The following MSRB3 variants were observed in gnomAD, a reference collection of about 807,000 sequenced individuals.
MSRB3 encodes methionine sulfoxide reductase B3.
In MSRB3, 13 loss-of-function variants were observed where a neutral mutation model predicts 21.0. The ratio of observed to expected loss-of-function variants is 0.62; its 90% CI spans 0.40 to 0.98. The LOEUF (loss-of-function observed/expected upper bound fraction) is 0.98. MSRB3 is among the 50% of genes least tolerant of loss of function. The probability of loss-of-function intolerance (pLI) is 0.00; values close to 1 mark genes in which losing one functional copy is unlikely to be tolerated. For synonymous variants in MSRB3, 87 were observed against 88.6 expected (o/e 0.98, Z 0.10); for missense variants, 199 against 230.3 (o/e 0.86, Z 0.88).
intron 2 of MSRB3, among the ~76,000 whole-genome samples, chr12:65,324,508 C>T (rs1324579383): frequency 6.6e-6 from 1 of 152,174 alleles, no homozygotes; most frequent in African/African-American, 2.4e-5. Context: ...CCTTCATTCA[C>T]TAGTAAAGCT....
chr12:65,292,046 C>A (rs1872693970), intron 1 of MSRB3, among the ~76,000 whole-genome samples: 1 of 152,138 alleles, frequency 6.6e-6, no homozygotes, highest in African/African-American at 2.4e-5. Context: ...AGAACTGAGA[C>A]CTTGCTGATT....
At chr12:65,336,748 T>C (rs1040784759) in intron 4 of MSRB3, among the ~76,000 whole-genome samples, 3 of 152,266 alleles carry the variant, frequency 2.0e-5, no homozygotes, top group Non-Finnish European at 2.9e-5. Context: ...TTTTAGCAAG[T>C]ACTTCAGAGG....
chr12:65,298,618 AGTCC>A (rs1873126881), intron 1 of MSRB3, among the ~76,000 whole-genome samples: 1 of 152,170 alleles, frequency 6.6e-6, no homozygotes, highest in East Asian at 1.9e-4. Flanking sequence ...GAATATAAGG[AGTCC>A]ATTTTCATAA....
chr12:65,457,954 G>A (rs983709553), intron 6 of MSRB3, among the ~76,000 whole-genome samples: 12 of 151,980 alleles, frequency 7.9e-5, no homozygotes, highest in Admixed American at 3.3e-4. Context: ...CTTAATTTAC[G>A]TGGCTTGTCT....
chr12:65,334,727 A>C (rs1875649491), intron 4 of MSRB3, among the ~76,000 whole-genome samples: 1 of 152,206 alleles, frequency 6.6e-6, no homozygotes, highest in African/African-American at 2.4e-5. Context: ...GTCCCTTGGA[A>C]TCCTGACAAG....
intron 5 of MSRB3, among the ~76,000 whole-genome samples, chr12:65,396,776 A>G (rs751054589): frequency 6.6e-6 from 1 of 151,468 alleles, no homozygotes; most frequent in African/African-American, 2.4e-5. Flanking sequence ...GATATGTTTT[A>G]TGGTCTAGAT....
chr12:65,411,973 C>T (rs1880738781), intron 5 of MSRB3, among the ~76,000 whole-genome samples: 1 of 151,846 alleles, frequency 6.6e-6, no homozygotes, highest in South Asian at 2.1e-4. Flanking sequence ...AAATAATAAG[C>T]TTAGACAGGC....
At chr12:65,388,502 A>G (rs1879306632) in intron 5 of MSRB3, among the ~76,000 whole-genome samples, 1 of 152,236 alleles carries the variant, frequency 6.6e-6, no homozygotes, top group East Asian at 1.9e-4. Context: ...TAGTTTGAGA[A>G]ATTAATGATT....
intron 1 of MSRB3, among the ~76,000 whole-genome samples, chr12:65,293,068 T>C (rs1872749992): frequency 6.6e-6 from 1 of 152,156 alleles, no homozygotes; most frequent in African/African-American, 2.4e-5. Flanking sequence ...CATAAACACA[T>C]CACAAGCTGA....
At chr12:65,366,574 G>T (rs1003100721) in intron 4 of MSRB3, among the ~76,000 whole-genome samples, 3 of 152,164 alleles carry the variant, frequency 2.0e-5, no homozygotes, top group Admixed American at 2.0e-4. Flanking sequence ...TAAAGATGGT[G>T]AAAGTGAAGA....
chr12:65,378,554 T>C (rs1352419650), intron 5 of MSRB3, among the ~76,000 whole-genome samples: 1 of 152,154 alleles, frequency 6.6e-6, no homozygotes, highest in African/African-American at 2.4e-5. Flanking sequence ...AAATATAAAA[T>C]GTAGTACATA....
chr12:65,386,723 A>G (rs2136568540), intron 5 of MSRB3, among the ~76,000 whole-genome samples: 1 of 152,078 alleles, frequency 6.6e-6, no homozygotes, highest in Non-Finnish European at 1.5e-5. Flanking sequence ...TAAATTAAAT[A>G]CATACAAATT....
At chr12:65,372,775 G>A (rs1385402080) in intron 5 of MSRB3, among the ~76,000 whole-genome samples, 1 of 152,182 alleles carries the variant, frequency 6.6e-6, no homozygotes, top group African/African-American at 2.4e-5. Context: ...TTGCATGATA[G>A]GCTATATAAA....
intron 1 of MSRB3, among the ~76,000 whole-genome samples, chr12:65,302,169 T>G (rs891751787): frequency 6.6e-6 from 1 of 152,158 alleles, no homozygotes; most frequent in African/African-American, 2.4e-5. Context: ...TTTATAATCA[T>G]GTAAACAAAA....
At chr12:65,449,220 G>A (rs1291014568) in intron 5 of MSRB3, among the ~76,000 whole-genome samples, 2 of 96,044 alleles carry the variant, frequency 2.1e-5, no homozygotes, top group African/African-American at 8.3e-5. Context: ...TTTTTTTTTT[G>A]TAGAGGCGGG....
intron 4 of MSRB3, among the ~76,000 whole-genome samples, chr12:65,362,796 C>T (rs371860356): frequency 6.6e-6 from 1 of 152,002 alleles, no homozygotes; most frequent in African/African-American, 2.4e-5. Flanking sequence ...AAGCATTCCA[C>T]GCAGAGGAAG....
At chr12:65,453,358 C>A (rs990362354) in intron 5 of MSRB3, among the ~76,000 whole-genome samples, 1 of 152,092 alleles carries the variant, frequency 6.6e-6, no homozygotes, top group Non-Finnish European at 1.5e-5. Context: ...TTTTGGAAAA[C>A]ATCGTAATGG....
At chr12:65,345,062 G>A (rs554666131) in intron 4 of MSRB3, among the ~76,000 whole-genome samples, 109 of 152,168 alleles carry the variant, frequency 7.2e-4, no homozygotes, top group African/African-American at 2.4e-3. Context: ...GGCATGGAGA[G>A]CTGAAAAGAT....
intron 1 of MSRB3, among the ~76,000 whole-genome samples, chr12:65,297,771 C>A (rs1036768812): frequency 2.0e-5 from 3 of 152,032 alleles, no homozygotes; most frequent in African/African-American, 7.2e-5. Flanking sequence ...TAGTACACAG[C>A]CCTTTTGCAG....
Sources: gnomAD v4.1 joint callset for allele counts (sites outside exome capture counted in the v4.1 genomes callset) on GRCh38, gnomAD v4.1.1 for gene constraint, MANE v1.5 for transcripts, NCBI Gene and HGNC (gene_info 2026-07-23, HGNC 2026-07-21) for gene names.